The following HCN1 variants were observed in gnomAD, a reference collection of about 807,000 sequenced individuals.
HCN1 encodes hyperpolarization activated cyclic nucleotide gated potassium channel 1.
Under a neutral mutation model 78.9 loss-of-function variants are expected in HCN1, and 13 were observed. The ratio of observed to expected loss-of-function variants is 0.16; its 90% CI spans 0.11 to 0.26. HCN1 has a LOEUF of 0.26. Ranked by LOEUF, HCN1 falls within the 10% of genes least tolerant of loss-of-function variation. The probability of loss-of-function intolerance (pLI) is 1.00; values close to 1 mark genes in which losing one functional copy is unlikely to be tolerated. For synonymous variants in HCN1, 552 were observed against 455.5 expected, an observed-to-expected ratio of 1.21 and a Z score of -2.70; for missense variants, 810 against 1,154.3, an observed-to-expected ratio of 0.70 and a Z score of 4.32.
chr5:45,553,768 T>TTATAC (rs1397974153), intron 2 of HCN1, among the ~76,000 whole-genome samples: 1 of 151,958 alleles, frequency 6.6e-6, no homozygotes, highest in African/African-American at 2.4e-5. Flanking sequence ...TAAAGAGTTG[T>TTATAC]TATACTACAT....
intron 2 of HCN1, among the ~76,000 whole-genome samples, chr5:45,527,055 T>TTCTCTCTCTCTC (rs142451723): frequency 7.7e-6 from 1 of 129,092 alleles, no homozygotes; most frequent in Non-Finnish European, 1.7e-5. Context: ...TTCTCCCTCT[T>TTCTCTCTCTCTC]TCTCTCTCTC....
At chr5:45,369,153 T>C (rs1173896367) in intron 4 of HCN1, among the ~76,000 whole-genome samples, 3 of 151,984 alleles carry the variant, frequency 2.0e-5, no homozygotes, top group Non-Finnish European at 1.5e-5. Context: ...TTGTTGCATA[T>C]ATCCGTAGAT....
At chr5:45,630,541 C>A (rs926177182) in intron 2 of HCN1, among the ~76,000 whole-genome samples, 1 of 152,176 alleles carries the variant, frequency 6.6e-6, no homozygotes, top group African/African-American at 2.4e-5. Flanking sequence ...TCTTATTGTC[C>A]TCAGGGACAA....
At chr5:45,329,364 C>T (rs1746301329) in intron 5 of HCN1, among the ~76,000 whole-genome samples, 1 of 151,430 alleles carries the variant, frequency 6.6e-6, no homozygotes, top group Admixed American at 6.6e-5. Context: ...ACAATATTAG[C>T]ATAGAGTCAA....
chr5:45,378,876 G>GT (rs1306684475), intron 4 of HCN1, among the ~76,000 whole-genome samples: 1 of 151,948 alleles, frequency 6.6e-6, no homozygotes, highest in Admixed American at 6.6e-5. Context: ...TGCGGTGTTT[G>GT]TTTTTTTGTC....
At position 45,262,663 on chromosome 5, in the gene HCN1, A is replaced by G. The variant is rs765821482; in HGVS notation, c.1931T>C (p.Met644Thr). The G allele has an allele frequency of 6.2e-6, 10 of 1,613,918 alleles. No homozygotes were observed. The highest frequency in any genetic ancestry group is 7.6e-6 in the Non-Finnish European group (9 of 1,180,018). The change falls in exon 8 of 8, where the codon ATG becomes ACG. Residue 644 changes from methionine (M) to threonine (T), a missense_variant. Met to Thr is a moderately conservative substitution (Grantham distance 81, BLOSUM62 -1). Around this residue, in one of 6 missense-constraint regions of HCN1, gnomAD observed 398 missense variants for 381.3 expected, o/e 1.04. Coordinates refer to ENST00000303230, the MANE Select transcript of HCN1 (RefSeq NM_021072.4). ...AGACGATGTGGAATTCAGGGTTGTC[A>G]TTTGAGGATAATTGATGGGAGCGAT... ...QAIAPINYPQMTTLNSTSSTT... is the reference protein window; with the variant it reads ...QAIAPINYPQTTTLNSTSSTT...
chr5:45,537,963 A>AAAGG (rs1204032824), intron 2 of HCN1, among the ~76,000 whole-genome samples: 3 of 152,036 alleles, frequency 2.0e-5, no homozygotes, highest in Non-Finnish European at 4.4e-5. Context: ...CTGTGATATG[A>AAAGG]AAGGAGAATT....
intron 6 of HCN1, among the ~76,000 whole-genome samples, chr5:45,279,982 A>G (rs908072558): frequency 6.6e-5 from 10 of 152,090 alleles, no homozygotes; most frequent in Non-Finnish European, 1.2e-4. Context: ...CTCTAGAACT[A>G]TAACACTTAA....
chr5:45,565,894 A>C (rs1255499382), intron 2 of HCN1, among the ~76,000 whole-genome samples: 1 of 152,194 alleles, frequency 6.6e-6, no homozygotes, highest in Admixed American at 6.6e-5. Flanking sequence ...ATTGAATATG[A>C]CACAGTTTTG....
intron 5 of HCN1, among the ~76,000 whole-genome samples, chr5:45,340,724 T>C (rs1045773284): frequency 6.6e-6 from 1 of 152,222 alleles, no homozygotes; most frequent in East Asian, 1.9e-4. Flanking sequence ...AAGCTATATA[T>C]GAATTTCCTA....
intron 1 of HCN1, among the ~76,000 whole-genome samples, chr5:45,660,328 G>A (rs1181356650): frequency 7.3e-5 from 8 of 108,888 alleles, no homozygotes; most frequent in Middle Eastern, 3.6e-3. Context: ...AGGAACAACC[G>A]GTACCAGCCG....
intron 2 of HCN1, among the ~76,000 whole-genome samples, chr5:45,472,079 T>C (rs1485838472): frequency 6.6e-6 from 1 of 151,938 alleles, no homozygotes; most frequent in Non-Finnish European, 1.5e-5. Flanking sequence ...GTCTCTGTAC[T>C]ACCATTTTAT....
Position 45,262,703 on chromosome 5 carries a change from C to T in HCN1, c.1891G>A (p.Glu631Lys). ...ATGGGAGCGATTGCCTGCACCATCTCCCTGTCATGTTTCACAATCTGCTTG... is the reference window on the plus strand; with the variant it reads ...ATGGGAGCGATTGCCTGCACCATCTTCCTGTCATGTTTCACAATCTGCTTG... ...ILKQIVKHDR[E>K]MVQAIAPINY... Residue 631 changes from glutamate to lysine, a missense_variant, in exon 8 of 8, where the codon GAG (glutamate) becomes AAG (lysine). By Grantham distance (56) the Glu-to-Lys change is moderately conservative. Transcript: ENST00000303230. 6.2e-7 allele frequency: 1 copy of T among 1,614,090 alleles called. No individual in the cohort carries two copies. Among genetic ancestry groups the T allele is most frequent in the Non-Finnish European group, 8.5e-7 (1 of 1,180,010 alleles).
intron 6 of HCN1, among the ~76,000 whole-genome samples, chr5:45,285,512 A>G (rs1420009416): frequency 6.6e-6 from 1 of 151,866 alleles, no homozygotes; most frequent in Non-Finnish European, 1.5e-5. Context: ...TCTCATTTGG[A>G]TTTATTAAGG....
chr5:45,415,493 C>A (rs761580617), intron 3 of HCN1, among the ~76,000 whole-genome samples: 5 of 152,114 alleles, frequency 3.3e-5, no homozygotes, highest in Middle Eastern at 3.4e-3. Context: ...CTCCTGCCAC[C>A]CTGAGCTACT....
chr5:45,506,328 G>A (rs552222856), intron 2 of HCN1, among the ~76,000 whole-genome samples: 1 of 152,114 alleles, frequency 6.6e-6, no homozygotes, highest in East Asian at 1.9e-4. Context: ...TTATCTGTCA[G>A]CTAAATCAGA....
At chr5:45,649,598 C>G (rs772097821) in intron 1 of HCN1, among the ~76,000 whole-genome samples, 17 of 151,920 alleles carry the variant, frequency 1.1e-4, no homozygotes, top group Non-Finnish European at 1.5e-4. Context: ...TTTTTACAAC[C>G]CTCAGAGCAG....
At chr5:45,542,928 CA>C (rs1743135438) in intron 2 of HCN1, among the ~76,000 whole-genome samples, 1 of 152,040 alleles carries the variant, frequency 6.6e-6, no homozygotes, top group Non-Finnish European at 1.5e-5. Context: ...TATAAACACA[CA>C]ATAGAAAGAT....
At chr5:45,263,311 A>G (rs562917613) in intron 7 of HCN1, among the ~76,000 whole-genome samples, 1 of 152,288 alleles carries the variant, frequency 6.6e-6, no homozygotes, top group South Asian at 2.1e-4. Flanking sequence ...TTTACCTGAA[A>G]GGAGATCAGG....
Sources: gnomAD v4.1 joint callset for allele counts (sites outside exome capture counted in the v4.1 genomes callset) on GRCh38, gnomAD v4.1.1 for gene constraint, gnomAD v4.1.1 regional missense constraint, MANE v1.5 for transcripts, NCBI Gene and HGNC (gene_info 2026-07-23, HGNC 2026-07-21) for gene names.